MB21D2: variants seen among roughly 807,000 people sequenced by gnomAD.
MB21D2 encodes the protein nucleotidyltransferase MB21D2.
A neutral mutation model predicts 33.3 loss-of-function variants in MB21D2; 9 were observed. The observed-to-expected ratio is 0.27, with a 90% confidence interval of 0.16 to 0.47. The LOEUF (loss-of-function observed/expected upper bound fraction) is 0.47, where lower values mean the gene tolerates loss of function less well. MB21D2 is among the 20% of genes least tolerant of loss of function. The pLI is 0.99. For synonymous variants in MB21D2, 241 were observed against 236.3 expected (o/e 1.02, Z -0.18); for missense variants, 540 against 624.6 (o/e 0.86, Z 1.44).
At chr3:192,915,077 T>C (rs1714432279) in intron 1 of MB21D2, among the ~76,000 whole-genome samples, 1 of 152,160 alleles carries the variant, frequency 6.6e-6, no homozygotes, top group South Asian at 2.1e-4. Context: ...CAATTCGTGG[T>C]TGGCCACTTC....
At position 192,799,085 on chromosome 3, in the gene MB21D2, A is replaced by G. The variant is rs1412913874; in HGVS notation, c.777T>C (p.Asp259=). Residue 259 remains aspartate (D), a synonymous_variant, in exon 2 of 2, where the codon GAT becomes GAC. Transcript: ENST00000392452. The surrounding 1 kb of genome is among the most constrained non-coding windows in gnomAD (Gnocchi z 4.1). ...QSWLMENHFW[D]GKITEEEVIS... ...TGACCTCTTCCTCAGTAATCTTCCC[A>G]TCCCAAAAGTGGTTCTCCATGAGCC... 1.4e-5 allele frequency: 22 copies of G among 1,613,958 alleles called. No homozygotes were observed. Among genetic ancestry groups the G allele is most frequent in the Non-Finnish European group, 1.8e-5 (21 of 1,180,000 alleles).
At chr3:192,828,384 G>A (rs1712223558) in intron 1 of MB21D2, among the ~76,000 whole-genome samples, 1 of 151,212 alleles carries the variant, frequency 6.6e-6, no homozygotes, top group Non-Finnish European at 1.5e-5. Flanking sequence ...CTCTAGAATG[G>A]GACAGGAGGC....
At chr3:192,909,645 C>T (rs1390414189) in intron 1 of MB21D2, among the ~76,000 whole-genome samples, 2 of 151,826 alleles carry the variant, frequency 1.3e-5, no homozygotes. Context: ...TGATGAAGAG[C>T]CTCGGCCAGA....
chr3:192,884,510 G>A (rs1713681873), intron 1 of MB21D2, among the ~76,000 whole-genome samples: 1 of 146,514 alleles, frequency 6.8e-6, no homozygotes, highest in African/African-American at 2.5e-5. Context: ...GGGACTACAG[G>A]CGCCCGCCAC....
chr3:192,798,568 C>T lies in MB21D2; in HGVS notation c.1294G>A (p.Gly432Ser). ...GGAGAGGGGATGCTGGTGGTGCTACCTCGCCTCTGGAGCTCCAGTGTCAGC... is the reference window on the plus strand; with the variant it reads ...GGAGAGGGGATGCTGGTGGTGCTACTTCGCCTCTGGAGCTCCAGTGTCAGC... ...NRLTLELQRRGSTTSIPSPQS... is the reference protein window; with the variant it reads ...NRLTLELQRRSSTTSIPSPQS... The change falls in exon 2 of 2, where the codon GGT becomes AGT. Residue 432 changes from glycine (G) to serine (S), a missense_variant. Physicochemically the swap from Gly to Ser is moderately conservative, Grantham distance 56. Coordinates refer to ENST00000392452, the MANE Select transcript of MB21D2 (RefSeq NM_178496.4). This position sits in a 1 kb window ranked among gnomAD's most constrained non-coding sequence, Gnocchi z 4.8. The T allele has an allele frequency of 6.2e-7, 1 of 1,614,170 alleles. No homozygotes were observed. The highest frequency in any genetic ancestry group is 8.5e-7 in the Non-Finnish European group (1 of 1,180,032).
chr3:192,898,434 A>G (rs1373618059), intron 1 of MB21D2, among the ~76,000 whole-genome samples: 1 of 152,188 alleles, frequency 6.6e-6, no homozygotes, highest in African/African-American at 2.4e-5. Flanking sequence ...AAAAGATGTC[A>G]GTCTTATAAT....
At chr3:192,893,665 G>A in intron 1 of MB21D2, among the ~76,000 whole-genome samples, 1 of 152,174 alleles carries the variant, frequency 6.6e-6, no homozygotes, top group South Asian at 2.1e-4. Flanking sequence ...TCAGGGTCCA[G>A]TCCAGGCATT....
At chr3:192,838,470 C>A (rs1712493561) in intron 1 of MB21D2, among the ~76,000 whole-genome samples, 1 of 150,806 alleles carries the variant, frequency 6.6e-6, no homozygotes, top group South Asian at 2.1e-4. Context: ...GCTCTGTCAC[C>A]CAGGCTGGAG....
At chr3:192,809,938 C>T (rs1711750470) in intron 1 of MB21D2, among the ~76,000 whole-genome samples, 1 of 152,192 alleles carries the variant, frequency 6.6e-6, no homozygotes, top group Admixed American at 6.5e-5. Context: ...AATATTCCCA[C>T]ATATTCAGAT....
At chr3:192,849,845 C>T (rs984962754) in intron 1 of MB21D2, among the ~76,000 whole-genome samples, 2 of 152,136 alleles carry the variant, frequency 1.3e-5, no homozygotes, top group Admixed American at 6.5e-5. Flanking sequence ...AGAACAACTC[C>T]TGGCACAGAA....
intron 1 of MB21D2, among the ~76,000 whole-genome samples, chr3:192,862,796 T>C (rs1560242597): frequency 1.3e-5 from 2 of 152,190 alleles, no homozygotes; most frequent in East Asian, 3.8e-4. Context: ...CTTAAACTGG[T>C]AATTTATAAA....
rs942799868 is a variant in MB21D2 at position 192,798,216 on chromosome 3, T to G, written c.*170A>C. On this transcript the variant is annotated 3_prime_UTR_variant, in exon 2 of 2. Coordinates refer to ENST00000392452, the MANE Select transcript of MB21D2 (RefSeq NM_178496.4). This position sits in a 1 kb window ranked among gnomAD's most constrained non-coding sequence, Gnocchi z 4.8. Reference sequence around the variant, plus strand: ...AAATCAGAGGCAGAATATGAAATAGTAATATACTGTTTCAGAGCCTGCACC... The same window carrying G: ...AAATCAGAGGCAGAATATGAAATAGGAATATACTGTTTCAGAGCCTGCACC... The G allele has an allele frequency of 2.3e-5, 15 of 663,176 alleles. No individual in the cohort carries two copies. The highest frequency in any genetic ancestry group is 3.8e-5 in the Non-Finnish European group (15 of 396,290). The allele number at this position is 663,176 out of a possible 1,614,324, so 41.1% of individuals were successfully genotyped here. A position where few individuals can be genotyped will look rare whatever the true frequency, so the allele number is the denominator to read the frequency against.
intron 1 of MB21D2, among the ~76,000 whole-genome samples, chr3:192,830,382 AC>A (rs1712290106): frequency 6.6e-6 from 1 of 151,052 alleles, no homozygotes; most frequent in Non-Finnish European, 1.5e-5. Context: ...TCCATTCCGC[AC>A]CCCCACCCCC....
intron 1 of MB21D2, among the ~76,000 whole-genome samples, chr3:192,872,383 T>C (rs1324554652): frequency 8.4e-4 from 128 of 152,058 alleles, no homozygotes; most frequent in African/African-American, 3.0e-3. Flanking sequence ...GAGACCATCA[T>C]GGCGAACACG....
At chr3:192,889,911 A>G (rs539999301) in intron 1 of MB21D2, among the ~76,000 whole-genome samples, 3 of 152,234 alleles carry the variant, frequency 2.0e-5, no homozygotes, top group Non-Finnish European at 2.9e-5. Flanking sequence ...ATAAAATAAT[A>G]AAAGTGTTGC....
At chr3:192,800,565 T>C (rs989638035) in intron 1 of MB21D2, among the ~76,000 whole-genome samples, 9 of 152,304 alleles carry the variant, frequency 5.9e-5, no homozygotes, top group Middle Eastern at 3.4e-3. Flanking sequence ...AGAAAATCCT[T>C]GATGGAGAAG....
intron 1 of MB21D2, among the ~76,000 whole-genome samples, chr3:192,800,929 T>G (rs1711550672): frequency 6.6e-6 from 1 of 152,226 alleles, no homozygotes; most frequent in Non-Finnish European, 1.5e-5. Flanking sequence ...AAATTAAATT[T>G]AGAAAACTCC....
chr3:192,906,021 T>G (rs1714208996), intron 1 of MB21D2, among the ~76,000 whole-genome samples: 1 of 152,300 alleles, frequency 6.6e-6, no homozygotes, highest in South Asian at 2.1e-4. Context: ...CTTCCTAGGG[T>G]TGCTGAGGAA....
intron 1 of MB21D2, among the ~76,000 whole-genome samples, chr3:192,836,307 C>T (rs1376130627): frequency 6.6e-6 from 1 of 152,134 alleles, no homozygotes; most frequent in Non-Finnish European, 1.5e-5. Flanking sequence ...TGGCACCCAC[C>T]CCAAGCCATT....
Sources: allele counts gnomAD v4.1 joint callset (sites outside exome capture counted in the v4.1 genomes callset), GRCh38; gene constraint gnomAD v4.1.1; non-coding constraint Gnocchi (gnomAD v3.1); transcripts MANE v1.5; gene names NCBI Gene and HGNC (gene_info 2026-07-23, HGNC 2026-07-21).